Variants in MGAT5 observed in about 807,000 individuals in gnomAD.
The protein encoded by MGAT5 is alpha-1,6-mannosylglycoprotein 6-beta-N-acetylglucosaminyltransferase A.
MGAT5 carries 30 observed loss-of-function variants against 94.3 expected under a neutral mutation model. That is an observed-to-expected ratio of 0.32 (90% CI 0.24 to 0.43). MGAT5 has a LOEUF of 0.43. Ranked by LOEUF, MGAT5 falls within the 20% of genes least tolerant of loss-of-function variation. The probability of loss-of-function intolerance (pLI) is 1.00; values close to 1 mark genes in which losing one functional copy is unlikely to be tolerated. For missense variants in MGAT5, 691 were observed against 905.5 expected (o/e 0.76, Z 3.04); for synonymous variants, 310 against 322.9 (o/e 0.96, Z 0.43).
intron 1 of MGAT5, among the ~76,000 whole-genome samples, chr2:134,245,641 T>C (rs1329544700): frequency 6.6e-6 from 1 of 152,206 alleles, no homozygotes; most frequent in Non-Finnish European, 1.5e-5. Flanking sequence ...CAACTGTATT[T>C]AGGTGAAGAC....
intron 1 of MGAT5, among the ~76,000 whole-genome samples, chr2:134,140,540 T>G (rs776364470): frequency 2.0e-5 from 3 of 152,244 alleles, no homozygotes; most frequent in Non-Finnish European, 4.4e-5. Context: ...TGAGCCATTC[T>G]TGTAGGGCTT....
chr2:134,374,888 G>A (rs1264709336), intron 10 of MGAT5, among the ~76,000 whole-genome samples: 1 of 152,194 alleles, frequency 6.6e-6, no homozygotes, highest in Admixed American at 6.5e-5. Context: ...AGCTACTCGG[G>A]AAGCTGAGGT....
chr2:134,134,917 C>T (rs1686337753), intron 1 of MGAT5, among the ~76,000 whole-genome samples: 1 of 152,168 alleles, frequency 6.6e-6, no homozygotes, highest in African/African-American at 2.4e-5. Flanking sequence ...TCGACGTTTC[C>T]AGTTAATGAA....
chr2:134,224,588 A>G (rs1205916291), intron 1 of MGAT5, among the ~76,000 whole-genome samples: 2 of 152,192 alleles, frequency 1.3e-5, no homozygotes, highest in African/African-American at 4.8e-5. Context: ...GGATAGGAAC[A>G]CACACCTGTT....
At chr2:134,132,681 C>T (rs549782468) in intron 1 of MGAT5, among the ~76,000 whole-genome samples, 9 of 152,324 alleles carry the variant, frequency 5.9e-5, no homozygotes, top group African/African-American at 1.4e-4. Flanking sequence ...CTCTCTGGCC[C>T]GAGAAGAAAA....
At chr2:134,415,606 C>A (rs1683919144) in intron 12 of MGAT5, among the ~76,000 whole-genome samples, 1 of 152,160 alleles carries the variant, frequency 6.6e-6, no homozygotes, top group East Asian at 1.9e-4. Flanking sequence ...CTTTGCTGTG[C>A]AGAAGCTCTT....
In MGAT5 at chr2:134,332,283, A is replaced by G. The variant is rs1215942274; in HGVS notation, c.574-3934A>G. On this transcript the variant is annotated intron_variant, in intron 4 of 15. Transcript: ENST00000281923. Reference sequence around the variant, plus strand: ...GAACAGAGCCCTCAGAAATAATGCCACATATCTACAACTATCTGATCTTTG... The same window carrying G: ...GAACAGAGCCCTCAGAAATAATGCCGCATATCTACAACTATCTGATCTTTG... Among the ~76,000 whole-genome samples the G allele has an allele frequency of 5.9e-5, 9 of 151,566 alleles. No individual in the cohort carries two copies. The South Asian group carries it at 8.4e-4, about 14-fold the overall frequency.
At chr2:134,395,005 A>G (rs1250924813) in intron 10 of MGAT5, among the ~76,000 whole-genome samples, 1 of 152,246 alleles carries the variant, frequency 6.6e-6, no homozygotes, top group African/African-American at 2.4e-5. Context: ...GTTACTGCCC[A>G]GATAGGTGGA....
At chr2:134,310,053 G>A (rs1686557420) in intron 2 of MGAT5, among the ~76,000 whole-genome samples, 1 of 152,110 alleles carries the variant, frequency 6.6e-6, no homozygotes, top group African/African-American at 2.4e-5. Context: ...GCTATACATA[G>A]AGAACCCATA....
chr2:134,227,349 G>A (rs752357230), intron 1 of MGAT5, among the ~76,000 whole-genome samples: 3 of 152,146 alleles, frequency 2.0e-5, no homozygotes, highest in Non-Finnish European at 4.4e-5. Context: ...TGAGCTCTGG[G>A]TATTGTCTTC....
intron 1 of MGAT5, among the ~76,000 whole-genome samples, chr2:134,185,284 A>G (rs142295364): frequency 3.2e-4 from 49 of 152,280 alleles, no homozygotes; most frequent in African/African-American, 1.2e-3. Context: ...ATGCTGAAGG[A>G]TAAGAACTAT....
At chr2:134,168,920 C>T (rs557834000) in intron 1 of MGAT5, among the ~76,000 whole-genome samples, 3 of 152,232 alleles carry the variant, frequency 2.0e-5, no homozygotes, top group Non-Finnish European at 4.4e-5. Flanking sequence ...GAGGTTGACC[C>T]CTTGAGAAGG....
chr2:134,137,741 AT>A (rs899469652), intron 1 of MGAT5, among the ~76,000 whole-genome samples: 22 of 148,348 alleles, frequency 1.5e-4, no homozygotes, highest in East Asian at 1.2e-3. Context: ...AATAGTCTCT[AT>A]TTTTTTTTTC....
upstream of MGAT5, among the ~76,000 whole-genome samples, chr2:134,249,908 C>T (rs1011346805): frequency 2.0e-5 from 3 of 152,230 alleles, no homozygotes; most frequent in East Asian, 5.8e-4. Context: ...CCAATTTCTC[C>T]ACATCTTCAC....
At chr2:134,329,986 G>T (rs1055133582) in intron 4 of MGAT5, among the ~76,000 whole-genome samples, 1 of 152,090 alleles carries the variant, frequency 6.6e-6, no homozygotes. Flanking sequence ...AGTGCAGGGG[G>T]CTTACTTTTT....
Position 134,129,585 on chromosome 2 carries a change from C to T in MGAT5, c.-143+9294C>T, listed in dbSNP as rs866596283. Among the ~76,000 whole-genome samples the T allele has an allele frequency of 3.1e-4, 47 of 152,150 alleles. No individual in the cohort carries two copies. In the Middle Eastern group the frequency reaches 0.01, roughly 33 times the overall value. ...TTACTGTTATAGGATCTGTTCTTCT[C>T]CCCTTTGAACATATTCAAATCAACT... On this transcript the variant is annotated intron_variant, in intron 1 of 16. Transcript: ENST00000409645.
intron 11 of MGAT5, among the ~76,000 whole-genome samples, chr2:134,410,467 T>C (rs541515203): frequency 1.3e-5 from 2 of 152,338 alleles, no homozygotes; most frequent in Admixed American, 1.3e-4. Context: ...GAAATTATGT[T>C]GTATTTGCTT....
At chr2:134,151,666 G>C (rs1687189045) in intron 1 of MGAT5, among the ~76,000 whole-genome samples, 1 of 57,114 alleles carries the variant, frequency 1.8e-5, no homozygotes, top group Non-Finnish European at 3.1e-5. Context: ...CCTCACTCAT[G>C]CCCTGTGGGA....
At chr2:134,400,431 T>C (rs1682973810) in intron 10 of MGAT5, among the ~76,000 whole-genome samples, 1 of 152,222 alleles carries the variant, frequency 6.6e-6, no homozygotes, top group South Asian at 2.1e-4. Context: ...AGTTTTGATT[T>C]TACCATGCCT....
Sources: gnomAD v4.1 joint callset for allele counts (sites outside exome capture counted in the v4.1 genomes callset) on GRCh38, gnomAD v4.1.1 for gene constraint, MANE v1.5 for transcripts, NCBI Gene and HGNC (gene_info 2026-07-23, HGNC 2026-07-21) for gene names.